SUFU: variants seen among roughly 807,000 people sequenced by gnomAD.
The protein encoded by SUFU is SUFU negative regulator of hedgehog signaling.
SUFU carries 7 observed loss-of-function variants against 58.9 expected under a neutral mutation model. That is an observed-to-expected ratio of 0.12 (90% CI 0.07 to 0.22). The LOEUF (loss-of-function observed/expected upper bound fraction) is 0.22. SUFU is among the 10% of genes least tolerant of loss of function. The pLI is 1.00. For missense variants in SUFU, 451 were observed against 641.3 expected, an observed-to-expected ratio of 0.70 and a Z score of 3.20; for synonymous variants, 232 against 254.8, an observed-to-expected ratio of 0.91 and a Z score of 0.85.
At chr10:102,596,597 C>A (rs2063464481) in intron 6 of SUFU, among the ~76,000 whole-genome samples, 1 of 152,242 alleles carries the variant, frequency 6.6e-6, no homozygotes, top group African/African-American at 2.4e-5. Flanking sequence ...GAAGTCCAGC[C>A]TTTGTTCTCC....
chr10:102,506,360 A>G (rs1219803391), intron 1 of SUFU, among the ~76,000 whole-genome samples: 9 of 152,124 alleles, frequency 5.9e-5, no homozygotes, highest in Admixed American at 1.3e-4. Context: ...AAGTATAAAG[A>G]GAAACAGCAC....
intron 2 of SUFU, among the ~76,000 whole-genome samples, chr10:102,531,033 T>TTGC (rs2062671544): frequency 6.8e-6 from 1 of 147,358 alleles, no homozygotes; most frequent in Admixed American, 6.9e-5. Context: ...AGCCCAGAAG[T>TTGC]TTGAGACCAG....
Position 102,524,324 on chromosome 10 carries a change from C to CTTTT in SUFU, c.317+15022_317+15025dup, listed in dbSNP as rs1384276713. On this transcript the variant is annotated intron_variant, in intron 2 of 11. Transcript: ENST00000369902. ...CCAGCCTAATTTTTCTTTTTCTTTTCTTTTCTTTTTTTTTTTTTTGAGATG... is the reference window on the plus strand; with the variant it reads ...CCAGCCTAATTTTTCTTTTTCTTTTCTTTTTTTTCTTTTTTTTTTTTTTGAGATG... Among the ~76,000 whole-genome samples the CTTTT allele has an allele frequency of 3.2e-4, 38 of 119,856 alleles. 3 individuals are homozygous for CTTTT. Among genetic ancestry groups the CTTTT allele is most frequent in the Non-Finnish European group, 4.3e-4 (25 of 57,536 alleles). The allele number at this position is 119,856 out of a possible 152,430, so 78.6% of individuals were successfully genotyped here.
chr10:102,522,269 A>G (rs946697346), intron 2 of SUFU, among the ~76,000 whole-genome samples: 1 of 152,192 alleles, frequency 6.6e-6, no homozygotes, highest in Non-Finnish European at 1.5e-5. Flanking sequence ...TAGTATATGT[A>G]TGAACTGTGC....
rs188628737 is a variant in SUFU, at chr10:102,521,084, C to T, written c.317+11781C>T. On this transcript the variant is annotated intron_variant, in intron 2 of 11. Transcript: ENST00000369902. ...TAGTGGCTATACCATTTTTCATTCC[C>T]ACTAGCAATGAATGAGAGTTCCTAT... is the stretch of plus-strand genomic sequence containing the variant. 4.6e-5 allele frequency among the ~76,000 whole-genome samples: 7 copies of T among 152,286 alleles called. No homozygotes were observed. The East Asian group carries it at 7.7e-4, about 17-fold the overall frequency.
rs36020604 is a variant in SUFU, at chr10:102,520,212, CTTTTT to C, written c.317+10927_317+10931del. Among the ~76,000 whole-genome samples the C allele has an allele frequency of 4.2e-4, 48 of 113,512 alleles. 1 individual carries two copies. The highest frequency in any genetic ancestry group is 5.0e-4 in the Non-Finnish European group (27 of 54,388). 74.5% of individuals were successfully genotyped at this position (113,512 alleles called of 152,430 possible). On this transcript the variant is annotated intron_variant, in intron 2 of 11. Coordinates refer to ENST00000369902, the MANE Select transcript of SUFU (RefSeq NM_016169.4). Reference sequence around the variant, plus strand: ...TGTGTTGTACAGTTCTTTTTTCTTTCTTTTTTTTTTTTTTTTTTTTTTGAGGCAGA... The same window carrying C: ...TGTGTTGTACAGTTCTTTTTTCTTTCTTTTTTTTTTTTTTTTTGAGGCAGA...
chr10:102,596,456 C>T (rs1466532220), intron 6 of SUFU, among the ~76,000 whole-genome samples: 2 of 152,204 alleles, frequency 1.3e-5, no homozygotes, highest in African/African-American at 4.8e-5. Flanking sequence ...TGCACAAAGG[C>T]AGGGTCTCGA....
At chr10:102,574,474 G>A (rs1188691664) in intron 3 of SUFU, among the ~76,000 whole-genome samples, 3 of 152,158 alleles carry the variant, frequency 2.0e-5, no homozygotes, top group Non-Finnish European at 2.9e-5. Flanking sequence ...ATGGCCAGGC[G>A]TTGTGGCTCA....
chr10:102,540,693 G>A (rs915382731), intron 2 of SUFU, among the ~76,000 whole-genome samples: 7 of 149,788 alleles, frequency 4.7e-5, no homozygotes, highest in Non-Finnish European at 7.4e-5. Flanking sequence ...TATACCCGTG[G>A]CATTCATTCC....
At chr10:102,615,518 A>G in intron 9 of SUFU, 116 bp downstream of exon 9, 1 of 1,473,246 alleles carries the variant, frequency 6.8e-7, no homozygotes, top group Non-Finnish European at 9.4e-7. Context: ...AGGGCCTCCA[A>G]GGAGCCACCA....
At chr10:102,545,386 G>A (rs988215680) in intron 2 of SUFU, among the ~76,000 whole-genome samples, 7 of 147,824 alleles carry the variant, frequency 4.7e-5, no homozygotes, top group East Asian at 2.0e-4. Context: ...CATCCACCTC[G>A]GTCCCCCAAA....
chr10:102,570,205 G>A (rs1488040206), intron 3 of SUFU, among the ~76,000 whole-genome samples: 1 of 150,540 alleles, frequency 6.6e-6, no homozygotes, highest in East Asian at 2.0e-4. Context: ...TGGTGATTTG[G>A]GAATCTAGAT....
At chr10:102,612,208 T>TGTGC (rs1360860362) in intron 8 of SUFU, among the ~76,000 whole-genome samples, 2 of 113,688 alleles carry the variant, frequency 1.8e-5, no homozygotes, top group African/African-American at 6.6e-5. Flanking sequence ...TGTGTGTGTG[T>TGTGC]GCACGCGCAT....
Sources: gnomAD v4.1 joint callset for allele counts (sites outside exome capture counted in the v4.1 genomes callset) on GRCh38, gnomAD v4.1.1 for gene constraint, MANE v1.5 for transcripts, NCBI Gene and HGNC (gene_info 2026-07-23, HGNC 2026-07-21) for gene names.